The following IFT43 variants were observed in gnomAD, a reference collection of about 807,000 sequenced individuals.
The protein encoded by IFT43 is intraflagellar transport protein 43 homolog.
A neutral mutation model predicts 32.3 loss-of-function variants in IFT43; 33 were observed. That is an observed-to-expected ratio of 1.02 (90% CI 0.77 to 1.37). The LOEUF (loss-of-function observed/expected upper bound fraction) is 1.37, where lower values mean the gene tolerates loss of function less well. Among genes scored for constraint, IFT43 ranks in the 40% most tolerant of loss-of-function variants. IFT43 has a pLI of 0.00. For missense variants in IFT43, 274 were observed against 265.9 expected, an observed-to-expected ratio of 1.03 and a Z score of -0.21; for synonymous variants, 93 against 98.2, an observed-to-expected ratio of 0.95 and a Z score of 0.31.
At chr14:76,018,204 T>A (rs987454312) in intron 2 of IFT43, among the ~76,000 whole-genome samples, 1 of 152,052 alleles carries the variant, frequency 6.6e-6, no homozygotes, top group Non-Finnish European at 1.5e-5. Flanking sequence ...ACTTCCCTCT[T>A]GGCTCTGCTT....
rs71431113 is a variant in IFT43 at position 76,036,780 on chromosome 14, A to G, written c.215+14386A>G. On this transcript the variant is annotated intron_variant, in intron 3 of 8. Coordinates refer to ENST00000314067, the MANE Select transcript of IFT43 (RefSeq NM_001102564.3). Reference sequence around the variant, plus strand: ...CCCCTATGTTTTCCCAATGCCATTGATCTTCTCTTCCTCCCTCCCTTCCTT... The same window carrying G: ...CCCCTATGTTTTCCCAATGCCATTGGTCTTCTCTTCCTCCCTCCCTTCCTT... 5.0e-3 allele frequency among the ~76,000 whole-genome samples: 754 copies of G among 151,080 alleles called. 2 individuals are homozygous for G. The highest frequency in any genetic ancestry group is 8.6e-3 in the Non-Finnish European group (585 of 67,738).
chr14:75,990,632 G>C (rs1421664210), intron 2 of IFT43, among the ~76,000 whole-genome samples: 1 of 152,182 alleles, frequency 6.6e-6, no homozygotes, highest in African/African-American at 2.4e-5. Flanking sequence ...GGGGCAGGGA[G>C]GTTGGGAGGC....
At chr14:75,999,257 A>T (rs1281872669) in intron 2 of IFT43, among the ~76,000 whole-genome samples, 1 of 11,928 alleles carries the variant, frequency 8.4e-5, no homozygotes, top group African/African-American at 4.3e-4. Context: ...ATATATATAT[A>T]TATATATATA....
chr14:76,031,964 C>A (rs1446080753), intron 3 of IFT43, among the ~76,000 whole-genome samples: 1 of 152,168 alleles, frequency 6.6e-6, no homozygotes, highest in Non-Finnish European at 1.5e-5. Flanking sequence ...GCCCAGTTCT[C>A]CTCCTGGACA....
chr14:76,026,668 A>G (rs1056197562), intron 3 of IFT43, among the ~76,000 whole-genome samples: 1 of 152,200 alleles, frequency 6.6e-6, no homozygotes. Flanking sequence ...TGTGGAAGAC[A>G]GTGTGGTGAT....
chr14:76,083,874 C>A (rs562012593), downstream of IFT43: 2 of 542,314 alleles, frequency 3.7e-6, no homozygotes, highest in Admixed American at 2.2e-5. Flanking sequence ...TCGATTCAGG[C>A]GGAGAAGGAG....
intron 2 of IFT43, among the ~76,000 whole-genome samples, chr14:76,016,240 A>G (rs2036185782): frequency 6.6e-6 from 1 of 152,076 alleles, no homozygotes; most frequent in Non-Finnish European, 1.5e-5. Flanking sequence ...GTATATGGTG[A>G]GAGATGGGGG....
At chr14:75,988,439 A>G (rs574883154) in intron 1 of IFT43, among the ~76,000 whole-genome samples, 1 of 152,214 alleles carries the variant, frequency 6.6e-6, no homozygotes, top group Non-Finnish European at 1.5e-5. Context: ...TTCTAAAAAC[A>G]TGTCCAAGTA....
chr14:76,065,318 A>G lies in IFT43; in HGVS notation c.295+5945A>G, dbSNP rs571165050. 3.3e-5 allele frequency among the ~76,000 whole-genome samples: 5 copies of G among 152,288 alleles called. 1 individual carries two copies. The South Asian group carries it at 1.0e-3, about 32-fold the overall frequency. On this transcript the variant is annotated intron_variant, in intron 5 of 8. Coordinates refer to ENST00000314067, the MANE Select transcript of IFT43 (RefSeq NM_001102564.3). ...TTTCTCTCATTTACTTCTCAAAACA[A>G]ATCAGTAGGAAAGTTTTGAAAAATC...
At chr14:76,036,264 G>A (rs528051328) in intron 3 of IFT43, among the ~76,000 whole-genome samples, 4 of 152,146 alleles carry the variant, frequency 2.6e-5, no homozygotes, top group Admixed American at 6.5e-5. Flanking sequence ...TGTTTTATAG[G>A]TGGATTGTAA....
intron 2 of IFT43, among the ~76,000 whole-genome samples, chr14:75,994,839 T>A (rs936205937): frequency 9.2e-5 from 14 of 152,212 alleles, no homozygotes; most frequent in African/African-American, 3.4e-4. Flanking sequence ...TTCAAATGAT[T>A]GTGCCCTCAC....
At chr14:76,067,506 G>A (rs890470046) in intron 5 of IFT43, among the ~76,000 whole-genome samples, 1 of 151,846 alleles carries the variant, frequency 6.6e-6, no homozygotes, top group Admixed American at 6.6e-5. Context: ...GAAGGTGGAG[G>A]TTGCAGTGAG....
chr14:76,029,310 T>C (rs1292954548), intron 3 of IFT43, among the ~76,000 whole-genome samples: 1 of 152,216 alleles, frequency 6.6e-6, no homozygotes, highest in Admixed American at 6.5e-5. Flanking sequence ...TTTAATGGGG[T>C]TATTTTTTTC....
intron 5 of IFT43, among the ~76,000 whole-genome samples, chr14:76,069,223 CCA>C (rs1318730195): frequency 6.6e-6 from 1 of 152,070 alleles, no homozygotes; most frequent in African/African-American, 2.4e-5. Context: ...AGGGGAGACG[CCA>C]CACACTTTTA....
intron 1 of IFT43, among the ~76,000 whole-genome samples, chr14:75,988,096 A>G (rs2035564031): frequency 6.6e-6 from 1 of 152,220 alleles, no homozygotes; most frequent in Non-Finnish European, 1.5e-5. Flanking sequence ...TGCCCATTCT[A>G]GAGGAATTTG....
chr14:76,030,121 T>C (rs1262650104), intron 3 of IFT43, among the ~76,000 whole-genome samples: 1 of 152,034 alleles, frequency 6.6e-6, no homozygotes, highest in Admixed American at 6.6e-5. Context: ...CTCCTGGCAA[T>C]CGTCCTACTT....
chr14:76,033,322 A>AGGGGGTT (rs2036541361), intron 3 of IFT43, among the ~76,000 whole-genome samples: 1 of 152,200 alleles, frequency 6.6e-6, no homozygotes, highest in Non-Finnish European at 1.5e-5. Context: ...GAAATGAAGT[A>AGGGGGTT]GGGGGTTAAC....
intron 5 of IFT43, among the ~76,000 whole-genome samples, chr14:76,072,369 A>AC (rs1272539094): frequency 6.6e-6 from 1 of 152,028 alleles, no homozygotes; most frequent in Non-Finnish European, 1.5e-5. Flanking sequence ...ACTTGACCAG[A>AC]CCTCCTCTTG....
intron 2 of IFT43, among the ~76,000 whole-genome samples, chr14:75,990,844 A>G (rs559476303): frequency 6.6e-6 from 1 of 152,346 alleles, no homozygotes; most frequent in East Asian, 1.9e-4. Flanking sequence ...ACTGTTCCAC[A>G]TGGGTCCAGG....
Sources: allele counts gnomAD v4.1 joint callset (sites outside exome capture counted in the v4.1 genomes callset), GRCh38; gene constraint gnomAD v4.1.1; transcripts MANE v1.5; gene names NCBI Gene and HGNC (gene_info 2026-07-23, HGNC 2026-07-21).